The following HPCAL1 variants were observed in gnomAD, a reference collection of about 807,000 sequenced individuals.
The protein encoded by HPCAL1 is hippocalcin-like protein 1.
A neutral mutation model predicts 17.1 loss-of-function variants in HPCAL1; 8 were observed. That is an observed-to-expected ratio of 0.47 (90% confidence interval 0.27 to 0.84). The LOEUF (loss-of-function observed/expected upper bound fraction) is 0.84. HPCAL1 is among the 40% of genes least tolerant of loss of function. The pLI is 0.13. For missense variants in HPCAL1, 165 were observed against 271.1 expected, an observed-to-expected ratio of 0.61 and a Z score of 2.75; for synonymous variants, 112 against 111.4, an observed-to-expected ratio of 1.01 and a Z score of -0.03.
chr2:10,317,541 C>A (rs1285721459), intron 1 of HPCAL1, among the ~76,000 whole-genome samples: 1 of 151,954 alleles, frequency 6.6e-6, no homozygotes, highest in Non-Finnish European at 1.5e-5. Context: ...CCTCAACCTC[C>A]TGAGTATCTG....
At chr2:10,324,816 G>GTTTTTTTTTTTTTTTTTT (rs3036350) in intron 1 of HPCAL1, among the ~76,000 whole-genome samples, 1 of 66,388 alleles carries the variant, frequency 1.5e-5, no homozygotes, top group Non-Finnish European at 2.5e-5. Flanking sequence ...TGGTTTTTGT[G>GTTTTTTTTTTTTTTTTTT]TTTTTTTTTT....
chr2:10,365,685 C>T lies in HPCAL1; in HGVS notation c.-110-31150C>T, dbSNP rs1246058501. The stretch of plus-strand genomic sequence containing the variant: ...CAGCTAACAGGTGCTTGGTGGTCCC[C>T]GCCCACCCTCCTTCAGGCTCCCTAC... On this transcript the variant is annotated intron_variant, in intron 1 of 4. Transcript: ENST00000307845. This position sits in a 1 kb window ranked among gnomAD's most constrained non-coding sequence, Gnocchi z 4.8. 2.6e-5 allele frequency among the ~76,000 whole-genome samples: 4 copies of T among 152,160 alleles called. No individual in the cohort carries two copies. The highest frequency in any genetic ancestry group is 2.9e-5 in the Non-Finnish European group (2 of 68,036).
At chr2:10,329,937 G>C (rs561467524) in intron 1 of HPCAL1, among the ~76,000 whole-genome samples, 1 of 152,258 alleles carries the variant, frequency 6.6e-6, no homozygotes, top group South Asian at 2.1e-4. Context: ...GATGCAGGCC[G>C]AGGCCATATC....
rs1666807985 is a variant in HPCAL1 at position 10,365,747 on chromosome 2, G to T, written c.-110-31088G>T. 6.6e-6 allele frequency among the ~76,000 whole-genome samples: 1 copy of T among 152,168 alleles called. No homozygotes were observed. Among genetic ancestry groups the T allele is most frequent in the South Asian group, 2.1e-4 (1 of 4,828 alleles). ...TGGGCCTTTCTGTGTTCACTTCAGG[G>T]ATGAGGCTTGGAGAAGAGGGTGTGT... On this transcript the variant is annotated intron_variant, in intron 1 of 4. Coordinates refer to ENST00000307845, the MANE Select transcript of HPCAL1 (RefSeq NM_002149.4). The surrounding 1 kb of genome is among the most constrained non-coding windows in gnomAD (Gnocchi z 4.8).
Position 10,419,256 on chromosome 2 carries a change from G to C in HPCAL1, c.-24-478G>C, listed in dbSNP as rs1670879112. 6.6e-6 allele frequency among the ~76,000 whole-genome samples: 1 copy of C among 152,024 alleles called. No individual in the cohort carries two copies. Among genetic ancestry groups the C allele is most frequent in the Non-Finnish European group, 1.5e-5 (1 of 68,002 alleles). ...ACAAATAAAGAAGGTGGGTGGGGGT[G>C]ACTCCCTGAAAGTTTCTAGACGCCT... On this transcript the variant is annotated intron_variant, in intron 2 of 4. Coordinates refer to ENST00000307845, the MANE Select transcript of HPCAL1 (RefSeq NM_002149.4). The surrounding 1 kb of genome is among the most constrained non-coding windows in gnomAD (Gnocchi z 5.0).
chr2:10,324,763 G>T (rs1364137996), intron 1 of HPCAL1, among the ~76,000 whole-genome samples: 1 of 141,794 alleles, frequency 7.1e-6, no homozygotes, highest in Non-Finnish European at 1.5e-5. Flanking sequence ...TGGGGGTGGG[G>T]TTGTTATTGG....
chr2:10,355,329 T>C (rs1257890349), intron 1 of HPCAL1, among the ~76,000 whole-genome samples: 2 of 149,150 alleles, frequency 1.3e-5, no homozygotes, highest in East Asian at 3.9e-4. Flanking sequence ...CGGGCGCCTG[T>C]AGTCCCAGCT....
At chr2:10,407,167 GGA>G (rs1236341088) in intron 2 of HPCAL1, among the ~76,000 whole-genome samples, 2 of 152,158 alleles carry the variant, frequency 1.3e-5, no homozygotes, top group Admixed American at 1.3e-4. Flanking sequence ...TTTGATAAAT[GGA>G]CACCCCCAAG....
At chr2:10,388,802 G>A (rs1047644196) in intron 1 of HPCAL1, among the ~76,000 whole-genome samples, 4 of 152,212 alleles carry the variant, frequency 2.6e-5, no homozygotes, top group Admixed American at 6.5e-5. Context: ...AGTCCAGGTC[G>A]CTGCAGCATC....
chr2:10,375,446 TG>T (rs1034163893), intron 1 of HPCAL1, among the ~76,000 whole-genome samples: 2 of 151,922 alleles, frequency 1.3e-5, no homozygotes, highest in African/African-American at 4.8e-5. Context: ...ATCAGAGCCG[TG>T]GGGGAGGGGG....
At chr2:10,382,515 G>A (rs1668018945) in intron 1 of HPCAL1, among the ~76,000 whole-genome samples, 1 of 151,258 alleles carries the variant, frequency 6.6e-6, no homozygotes, top group Admixed American at 6.6e-5. Flanking sequence ...GGGAGGGCAG[G>A]AGGTATGTAG....
chr2:10,333,529 G>A (rs146627528), intron 1 of HPCAL1, among the ~76,000 whole-genome samples: 25 of 152,254 alleles, frequency 1.6e-4, no homozygotes, highest in African/African-American at 5.8e-4. Context: ...CTCTTCCCAC[G>A]TGGGCAGCTG....
At chr2:10,380,714 C>A (rs1274200995) in intron 1 of HPCAL1, among the ~76,000 whole-genome samples, 1 of 152,140 alleles carries the variant, frequency 6.6e-6, no homozygotes, top group African/African-American at 2.4e-5. Flanking sequence ...GATGTCACCT[C>A]CTCTGGGAAG....
chr2:10,368,239 G>A (rs934318510), intron 1 of HPCAL1, among the ~76,000 whole-genome samples: 5 of 151,564 alleles, frequency 3.3e-5, no homozygotes, highest in African/African-American at 1.2e-4. Context: ...ATATGCATGT[G>A]TGTGTGTGCA....
At position 10,395,725 on chromosome 2, in the gene HPCAL1, C is replaced by G. The variant is rs1376421422; in HGVS notation, c.-110-1110C>G. ...GGTGAAGTGACTGTCAGGATTCCATCCTGGCTCGGCCCCTTGGAAGACACA... is the reference window on the plus strand; with the variant it reads ...GGTGAAGTGACTGTCAGGATTCCATGCTGGCTCGGCCCCTTGGAAGACACA... On this transcript the variant is annotated intron_variant, in intron 1 of 4. Transcript: ENST00000307845. The surrounding 1 kb of genome is among the most constrained non-coding windows in gnomAD (Gnocchi z 4.4). Among the ~76,000 whole-genome samples the G allele has an allele frequency of 1.3e-5, 2 of 152,152 alleles. No individual in the cohort carries two copies. The highest frequency in any genetic ancestry group is 2.9e-5 in the Non-Finnish European group (2 of 68,032).
intron 2 of HPCAL1, among the ~76,000 whole-genome samples, chr2:10,413,371 CCT>C (rs1198338497): frequency 6.6e-6 from 1 of 152,246 alleles, no homozygotes; most frequent in African/African-American, 2.4e-5. Context: ...GTTAGCCAAA[CCT>C]TAAAGCAGGT....
intron 2 of HPCAL1, among the ~76,000 whole-genome samples, chr2:10,405,311 G>C (rs761021239): frequency 1.3e-5 from 2 of 152,178 alleles, no homozygotes; most frequent in Non-Finnish European, 2.9e-5. Context: ...TTTTACAGAG[G>C]AGCAAACAGG....
intron 3 of HPCAL1, among the ~76,000 whole-genome samples, chr2:10,422,026 G>T (rs1208905392): frequency 6.6e-6 from 1 of 152,146 alleles, no homozygotes; most frequent in African/African-American, 2.4e-5. Flanking sequence ...TTTGCAAATA[G>T]GTGTGCCTGT....
chr2:10,341,765 G>A (rs1016607394), intron 1 of HPCAL1, among the ~76,000 whole-genome samples: 1 of 152,174 alleles, frequency 6.6e-6, no homozygotes, highest in Non-Finnish European at 1.5e-5. Context: ...CCCAAGAGAT[G>A]TGACTGTCTT....
Sources: allele counts gnomAD v4.1 joint callset (sites outside exome capture counted in the v4.1 genomes callset), GRCh38; gene constraint gnomAD v4.1.1; non-coding constraint Gnocchi (gnomAD v3.1); transcripts MANE v1.5; gene names NCBI Gene and HGNC (gene_info 2026-07-23, HGNC 2026-07-21).